Variants in TMEM245 observed in about 807,000 individuals in gnomAD.
The protein encoded by TMEM245 is transmembrane protein 245.
Under a neutral mutation model 101.2 loss-of-function variants are expected in TMEM245, and 69 were observed. The ratio of observed to expected loss-of-function variants is 0.68; its 90% confidence interval spans 0.56 to 0.83. The LOEUF (loss-of-function observed/expected upper bound fraction) is 0.83, where lower values mean the gene tolerates loss of function less well. TMEM245 is among the 40% of genes least tolerant of loss of function. The pLI is 0.00. For synonymous variants in TMEM245, 537 were observed against 449.8 expected (o/e 1.19, Z -2.45); for missense variants, 1,075 against 1,092.8 (o/e 0.98, Z 0.23).
At chr9:109,029,866 A>C (rs1827897182) in intron 17 of TMEM245, among the ~76,000 whole-genome samples, 1 of 152,214 alleles carries the variant, frequency 6.6e-6, no homozygotes, top group Admixed American at 6.5e-5. Context: ...CCTGGTGCAG[A>C]GCTTGAGATG....
chr9:109,029,460 G>A (rs1410148143), intron 17 of TMEM245, among the ~76,000 whole-genome samples: 1 of 152,134 alleles, frequency 6.6e-6, no homozygotes, highest in Non-Finnish European at 1.5e-5. Flanking sequence ...AACAATCCTA[G>A]AAGCCAGAAA....
intron 1 of TMEM245, among the ~76,000 whole-genome samples, chr9:109,114,759 G>A (rs1284697489): frequency 6.6e-6 from 1 of 152,196 alleles, no homozygotes; most frequent in East Asian, 1.9e-4. Context: ...GTGGAGCAGG[G>A]CACGCCATCA....
chr9:109,060,504 G>T, intron 10 of TMEM245, 52 bp from the exon 11 acceptor site: 1 of 1,290,274 alleles, frequency 7.8e-7, no homozygotes. Flanking sequence ...CAACAACAGA[G>T]TAAAATTAAT....
rs756324418 is a variant in TMEM245 at position 109,060,366 on chromosome 9, A to T, written c.1710T>A (p.Ser570=). The T allele has an allele frequency of 1.2e-6, 2 of 1,611,838 alleles. No homozygotes were observed. Among genetic ancestry groups the T allele is most frequent in the Non-Finnish European group, 1.7e-6 (2 of 1,178,940 alleles). ...TAAAATAACTTACCTTTACAAACCA[A>T]GAGTGATACAGTCTGTCCCAAAGTT... The part of the protein sequence containing the change: ...VLELWDRLYH[S]WFVKNVTHSG... The change falls in exon 11 of 18, where the codon TCT becomes TCA. Residue 570 remains serine (S), a synonymous_variant. Coordinates refer to ENST00000374586, the MANE Select transcript of TMEM245 (RefSeq NM_032012.4).
At chr9:109,038,144 G>A in intron 14 of TMEM245, 27 bp from the exon 15 acceptor site, 1 of 1,575,522 alleles carries the variant, frequency 6.3e-7, no homozygotes, top group Non-Finnish European at 8.7e-7. Flanking sequence ...TAAAAAGAAA[G>A]AGTAAATAAA....
At position 109,119,542 on chromosome 9, in the gene TMEM245, C is replaced by G. The variant is rs1448935307; in HGVS notation, c.372G>C (p.Leu124=). 4.6e-6 allele frequency: 7 copies of G among 1,530,776 alleles called. No homozygotes were observed. Among genetic ancestry groups the G allele is most frequent in the Non-Finnish European group, 6.1e-6 (7 of 1,144,282 alleles). 94.8% of individuals were successfully genotyped at this position (1,530,776 alleles called of 1,614,324 possible). Residue 124 remains leucine (L), a synonymous_variant, in exon 1 of 18, where the codon CTG becomes CTC. Transcript: ENST00000374586. ...AGTCGACGAAGCAGAGCGGCAGGAG[C>G]AGCGCGGCCAGGACGATGGGCGTGT... is the stretch of plus-strand genomic sequence containing the variant. ...RAHTPIVLAA[L]LLPLCFVDYG... is the part of the protein sequence containing the mutation.
At chr9:109,036,445 T>C in intron 15 of TMEM245, 65 bp from the exon 16 acceptor site, 1 of 1,422,290 alleles carries the variant, frequency 7.0e-7, no homozygotes, top group Non-Finnish European at 9.3e-7. Context: ...AGCAAAAGAA[T>C]CTAAGCAGTA....
At chr9:109,066,269 C>G (rs1412184269) in intron 9 of TMEM245, among the ~76,000 whole-genome samples, 1 of 151,906 alleles carries the variant, frequency 6.6e-6, no homozygotes, top group East Asian at 1.9e-4. Context: ...GCCTGGCCAA[C>G]AAGGCAAAAC....
At chr9:109,022,556 T>C (rs1426575036) in intron 17 of TMEM245, among the ~76,000 whole-genome samples, 1 of 152,058 alleles carries the variant, frequency 6.6e-6, no homozygotes, top group Non-Finnish European at 1.5e-5. Flanking sequence ...TATAAGATGT[T>C]TTGCAGCATC....
In TMEM245 at chr9:109,093,568, T is replaced by C; in HGVS notation, c.823A>G (p.Ile275Val). 1.2e-6 allele frequency: 2 copies of C among 1,614,112 alleles called. No homozygotes were observed. The highest frequency in any genetic ancestry group is 1.7e-6 in the Non-Finnish European group (2 of 1,179,986). ...SSGAELPGQV[I>V]SMAASTLANL... Reference sequence around the variant, plus strand: ...GCCAGAGTAGAAGCTGCCATGGAGATAACCTGCCCTGGTAACTCTGCCCCT... The same window carrying C: ...GCCAGAGTAGAAGCTGCCATGGAGACAACCTGCCCTGGTAACTCTGCCCCT... The change falls in exon 4 of 18, where the codon ATC becomes GTC. Residue 275 changes from isoleucine to valine, a missense_variant. By Grantham distance (29) the Ile-to-Val change is conservative. This residue lies in a region of TMEM245 where 808 missense variants were observed against 741.5 expected (regional missense o/e 1.09). Coordinates refer to ENST00000374586, the MANE Select transcript of TMEM245 (RefSeq NM_032012.4).
chr9:109,106,112 G>A (rs1317031135), intron 3 of TMEM245, among the ~76,000 whole-genome samples: 4 of 150,734 alleles, frequency 2.7e-5, no homozygotes, highest in Non-Finnish European at 5.9e-5. Flanking sequence ...TGTAGCCCTC[G>A]CTACTTGGGA....
chr9:109,033,339 T>G lies in TMEM245; in HGVS notation c.2562A>C (p.Pro854=), dbSNP rs1308511646. 3 of 1,613,012 alleles carry G rather than the reference T, an allele frequency of 1.9e-6. No homozygotes were observed. The part of the protein sequence containing the change: ...LVSPTNSVPT[P]NQTPWPAQPQ... ...GCTGAGCAGGCCATGGGGTCTGGTT[T>G]GGCGTGGGAACTGAATTCGTGGGAC... The change falls in exon 17 of 18, where the codon CCA becomes CCC. Residue 854 remains proline (P), a synonymous_variant. Transcript: ENST00000374586.
At chr9:109,050,742 T>C (rs1828652967) in intron 12 of TMEM245, 50 bp from the exon 13 acceptor site, 2 of 1,606,930 alleles carry the variant, frequency 1.2e-6, no homozygotes, top group African/African-American at 1.4e-5. Flanking sequence ...ATGAAAAAAG[T>C]TTCTAGAGCC....
Position 109,119,723 on chromosome 9 carries a change from C to A in TMEM245, c.191G>T (p.Cys64Phe). ...FYNTGAVLFVCLCCGAAVLVY... is the reference protein window; with the variant it reads ...FYNTGAVLFVFLCCGAAVLVY... Reference sequence around the variant, plus strand: ...CAGCACCGCGGCGCCGCAGCACAGGCACACGAACAGCACGGCCCCGGTGTT... The same window carrying A: ...CAGCACCGCGGCGCCGCAGCACAGGAACACGAACAGCACGGCCCCGGTGTT... The change falls in exon 1 of 18, where the codon TGC becomes TTC. Residue 64 changes from cysteine (C) to phenylalanine (F), a missense_variant. By Grantham distance (205) the Cys-to-Phe change is radical. Coordinates refer to ENST00000374586, the MANE Select transcript of TMEM245 (RefSeq NM_032012.4). 6.5e-7 allele frequency: 1 copy of A among 1,546,602 alleles called. No homozygotes were observed. Among genetic ancestry groups the A allele is most frequent in the East Asian group, 2.5e-5 (1 of 39,890 alleles).
At chr9:109,115,522 CTTTTTTTTTT>C (rs752894720) in intron 1 of TMEM245, among the ~76,000 whole-genome samples, 7 of 67,216 alleles carry the variant, frequency 1.0e-4, no homozygotes, top group East Asian at 1.0e-3. Flanking sequence ...TAACTGGAAT[CTTTTTTTTTT>C]TTTTTTTTTT....
At chr9:109,092,344 A>G (rs771479220) in intron 4 of TMEM245, among the ~76,000 whole-genome samples, 2 of 152,202 alleles carry the variant, frequency 1.3e-5, no homozygotes, top group Non-Finnish European at 2.9e-5. Context: ...TTTAATGTTA[A>G]AAGTTCAGCT....
At chr9:109,069,282 G>A (rs1353530597) in intron 9 of TMEM245, among the ~76,000 whole-genome samples, 1 of 152,108 alleles carries the variant, frequency 6.6e-6, no homozygotes, top group African/African-American at 2.4e-5. Flanking sequence ...TTCCAGTACA[G>A]AAGAATGACC....
intron 9 of TMEM245, among the ~76,000 whole-genome samples, chr9:109,070,353 T>G (rs554281226): frequency 6.6e-6 from 1 of 152,316 alleles, no homozygotes; most frequent in East Asian, 1.9e-4. Flanking sequence ...CTACCAAATC[T>G]GCTCTTCTAT....
intron 10 of TMEM245, 58 bp downstream of exon 10, chr9:109,064,419 G>A: frequency 1.3e-6 from 2 of 1,483,244 alleles, no homozygotes; most frequent in Non-Finnish European, 1.9e-6. Context: ...AAAGCAACAA[G>A]CAACCACCAG....
Sources: allele counts gnomAD v4.1 joint callset (sites outside exome capture counted in the v4.1 genomes callset), GRCh38; gene constraint gnomAD v4.1.1; regional missense constraint gnomAD v4.1.1; transcripts MANE v1.5; gene names NCBI Gene and HGNC (gene_info 2026-07-23, HGNC 2026-07-21).